Variants in SNTG1 observed in about 807,000 individuals in gnomAD.
SNTG1 encodes gamma-1-syntrophin.
A neutral mutation model predicts 74.7 loss-of-function variants in SNTG1; 39 were observed. The observed-to-expected ratio is 0.52, with a 90% CI of 0.40 to 0.68. The LOEUF is 0.68. Among genes scored for constraint, SNTG1 ranks in the 30% least tolerant of loss-of-function variants. The pLI, the probability that SNTG1 is intolerant of heterozygous loss-of-function variation, is 0.00. For missense variants in SNTG1, 685 were observed against 609.5 expected, an observed-to-expected ratio of 1.12 and a Z score of -1.30; for synonymous variants, 254 against 217.1, an observed-to-expected ratio of 1.17 and a Z score of -1.49.
intron 18 of SNTG1, among the ~76,000 whole-genome samples, chr8:50,770,332 A>T (rs762512012): frequency 6.6e-6 from 1 of 152,130 alleles, no homozygotes; most frequent in Non-Finnish European, 1.5e-5. Flanking sequence ...GTTTGGAATA[A>T]CCATACAGCA....
chr8:50,718,776 T>C (rs968381322), intron 17 of SNTG1, among the ~76,000 whole-genome samples: 1 of 152,216 alleles, frequency 6.6e-6, no homozygotes, highest in Non-Finnish European at 1.5e-5. Context: ...CCAGAAGTCA[T>C]ATTAGTAAAT....
intron 13 of SNTG1, among the ~76,000 whole-genome samples, chr8:50,626,307 G>A (rs2094955825): frequency 2.0e-5 from 3 of 152,170 alleles, no homozygotes; most frequent in Non-Finnish European, 4.4e-5. Context: ...AGGCAGAAGT[G>A]CAAGTGGAGA....
intron 15 of SNTG1, among the ~76,000 whole-genome samples, chr8:50,701,171 T>C (rs2095422310): frequency 6.6e-6 from 1 of 152,308 alleles, no homozygotes; most frequent in South Asian, 2.1e-4. Flanking sequence ...TAATAAACCA[T>C]AAAATTGGCA....
chr8:50,791,978 A>C (rs1338658954), intron 18 of SNTG1, among the ~76,000 whole-genome samples: 1 of 151,730 alleles, frequency 6.6e-6, no homozygotes, highest in Non-Finnish European at 1.5e-5. Context: ...CAATATATAT[A>C]GTTTGGTTGC....
At position 50,540,976 on chromosome 8, in the gene SNTG1, A is replaced by G. The variant is rs149552958; in HGVS notation, c.680+4168A>G. On this transcript the variant is annotated intron_variant, in intron 11 of 18. Transcript: ENST00000642720. ...TTTGTTGTTTTTAATCCAAAGTAAC[A>G]AACTTGGTCATTAATTCAAATTAGT... Among the ~76,000 whole-genome samples the G allele has an allele frequency of 7.6e-3, 1,162 of 152,112 alleles. 19 individuals carry two copies. The highest frequency in any genetic ancestry group is 0.027 in the African/African-American group (1,111 of 41,520).
intron 1 of SNTG1, among the ~76,000 whole-genome samples, chr8:50,033,969 T>C (rs752048850): frequency 3.3e-5 from 5 of 152,206 alleles, no homozygotes; most frequent in Non-Finnish European, 7.3e-5. Context: ...GAGAAGAGAT[T>C]GTACTTTTAG....
intron 1 of SNTG1, among the ~76,000 whole-genome samples, chr8:50,152,412 A>G (rs1341003431): frequency 6.6e-6 from 1 of 152,176 alleles, no homozygotes; most frequent in Non-Finnish European, 1.5e-5. Flanking sequence ...TTTACATTTA[A>G]GGTTAATATT....
intron 1 of SNTG1, among the ~76,000 whole-genome samples, chr8:49,980,168 G>A (rs943258171): frequency 6.6e-6 from 1 of 152,142 alleles, no homozygotes; most frequent in East Asian, 1.9e-4. Context: ...CAAACTCCTC[G>A]TTCCCAGTTC....
intron 1 of SNTG1, among the ~76,000 whole-genome samples, chr8:50,117,830 T>A (rs1255202405): frequency 6.6e-6 from 1 of 152,140 alleles, no homozygotes; most frequent in Non-Finnish European, 1.5e-5. Context: ...ATTTTCTTCT[T>A]TAATATTAAT....
chr8:50,309,136 A>G (rs1178882511), intron 2 of SNTG1, among the ~76,000 whole-genome samples: 1 of 152,214 alleles, frequency 6.6e-6, no homozygotes, highest in East Asian at 1.9e-4. Context: ...ACTGAATTTA[A>G]TCAAGCTTAA....
At chr8:50,029,650 T>C (rs1421519400) in intron 1 of SNTG1, among the ~76,000 whole-genome samples, 1 of 152,104 alleles carries the variant, frequency 6.6e-6, no homozygotes, top group Non-Finnish European at 1.5e-5. Context: ...TAACATCTAG[T>C]TCCCTACATG....
intron 2 of SNTG1, among the ~76,000 whole-genome samples, chr8:50,180,526 T>C (rs1343419938): frequency 1.3e-5 from 2 of 152,156 alleles, no homozygotes; most frequent in African/African-American, 4.8e-5. Flanking sequence ...CACTGAGCTA[T>C]ATACTTTAAT....
intron 17 of SNTG1, among the ~76,000 whole-genome samples, chr8:50,739,794 C>G (rs1331766171): frequency 3.3e-5 from 5 of 151,982 alleles, no homozygotes; most frequent in Admixed American, 3.3e-4. Flanking sequence ...ACCAGTGGAA[C>G]AGAATGGGGA....
chr8:50,671,588 T>C (rs529454951), intron 15 of SNTG1, among the ~76,000 whole-genome samples: 2 of 152,184 alleles, frequency 1.3e-5, no homozygotes, highest in African/African-American at 4.8e-5. Flanking sequence ...ACTTTTACAC[T>C]GGTGATGGGA....
intron 17 of SNTG1, among the ~76,000 whole-genome samples, chr8:50,730,866 G>T (rs898232947): frequency 3.9e-5 from 6 of 152,110 alleles, no homozygotes; most frequent in Non-Finnish European, 8.8e-5. Context: ...TCTATTGGAA[G>T]AACGCTACTA....
chr8:50,778,384 T>C (rs2095647687), intron 18 of SNTG1, among the ~76,000 whole-genome samples: 1 of 152,150 alleles, frequency 6.6e-6, no homozygotes, highest in South Asian at 2.1e-4. Flanking sequence ...GACTTTTTAA[T>C]GATTGCCATT....
intron 17 of SNTG1, among the ~76,000 whole-genome samples, chr8:50,736,374 G>C (rs996705049): frequency 1.3e-5 from 2 of 152,004 alleles, no homozygotes; most frequent in Non-Finnish European, 2.9e-5. Flanking sequence ...AACAAGAAGA[G>C]CTAACTATCC....
intron 1 of SNTG1, among the ~76,000 whole-genome samples, chr8:50,056,898 C>T (rs1820071507): frequency 6.6e-6 from 1 of 152,248 alleles, no homozygotes; most frequent in African/African-American, 2.4e-5. Context: ...ACAAGCAAGC[C>T]AGCAAATCCT....
chr8:50,778,449 G>A (rs1313283670), intron 18 of SNTG1, among the ~76,000 whole-genome samples: 9 of 151,846 alleles, frequency 5.9e-5, no homozygotes, highest in African/African-American at 1.7e-4. Context: ...TTCTCTGATG[G>A]CCAGTGATGG....
Sources: allele counts gnomAD v4.1 joint callset (sites outside exome capture counted in the v4.1 genomes callset), GRCh38; gene constraint gnomAD v4.1.1; transcripts MANE v1.5; gene names NCBI Gene and HGNC (gene_info 2026-07-23, HGNC 2026-07-21).